Variants in TRIM64B observed in about 807,000 individuals in gnomAD.
TRIM64B encodes tripartite motif-containing protein 64B.
For synonymous variants in TRIM64B, 17 were observed against 190.3 expected, an observed-to-expected ratio of 0.09 and a Z score of 7.50; for missense variants, 57 against 536.4, an observed-to-expected ratio of 0.11 and a Z score of 8.83.
At chr11:89,876,964 G>C (rs1950169626), upstream of TRIM64B, among the ~76,000 whole-genome samples, 1 of 147,498 alleles carries the variant, frequency 6.8e-6, no homozygotes, top group South Asian at 2.2e-4. Context: ...GTAAAAGCTG[G>C]GATGATTTCT....
upstream of TRIM64B, chr11:89,876,099 C>A: frequency 8.0e-7 from 1 of 1,242,638 alleles, no homozygotes; most frequent in South Asian, 1.6e-5. Context: ...AAAGAAAGGC[C>A]GGTGGACAAT....
intron 2 of TRIM64B, 144 bp from the exon 4 acceptor site, chr11:89,874,423 C>T: frequency 2.1e-6 from 1 of 479,706 alleles, no homozygotes; most frequent in Non-Finnish European, 3.4e-6. Context: ...CTATCTTCTT[C>T]TGTCCATCTT....
upstream of TRIM64B, among the ~76,000 whole-genome samples, chr11:89,877,874 G>A (rs1950175318): frequency 6.7e-6 from 1 of 149,322 alleles, no homozygotes; most frequent in South Asian, 2.1e-4. Flanking sequence ...TGCCTGCCTT[G>A]GCCTCTCAAA....
chr11:89,873,032 G>A (rs557026905), intron 4 of TRIM64B, among the ~76,000 whole-genome samples: 1 of 151,980 alleles, frequency 6.6e-6, no homozygotes, highest in South Asian at 2.1e-4. Flanking sequence ...TGGTCAGGAC[G>A]GATGGACTGG....
upstream of TRIM64B, among the ~76,000 whole-genome samples, chr11:89,877,859 C>T (rs995749056): frequency 8.0e-5 from 12 of 149,474 alleles, no homozygotes; most frequent in East Asian, 1.2e-3. Flanking sequence ...AGACCTCAAG[C>T]GATCTGCCTG....
upstream of TRIM64B, among the ~76,000 whole-genome samples, chr11:89,878,184 T>C (rs1472381424): frequency 1.5e-5 from 2 of 129,976 alleles, no homozygotes; most frequent in Non-Finnish European, 3.2e-5. Context: ...AACAGTCGCA[T>C]AGTCAAATAG....
At chr11:89,877,440 G>T (rs1481968284), upstream of TRIM64B, among the ~76,000 whole-genome samples, 1 of 140,942 alleles carries the variant, frequency 7.1e-6, no homozygotes, top group Non-Finnish European at 1.6e-5. Flanking sequence ...AAAAAGTGAA[G>T]ATATGTATTA....
chr11:89,872,349 C>T (rs2134703189), intron 4 of TRIM64B, 37 bp from the exon 6 acceptor site: 2 of 1,497,350 alleles, frequency 1.3e-6, no homozygotes, highest in Non-Finnish European at 1.8e-6. Flanking sequence ...TTTCCAGGCC[C>T]AGAGCTAATC....
intron 1 of TRIM64B, among the ~76,000 whole-genome samples, 180 bp from the exon 3 acceptor site, chr11:89,875,253 C>A (rs1199241406): frequency 6.6e-6 from 1 of 152,226 alleles, no homozygotes; most frequent in African/African-American, 2.4e-5. Context: ...GTGATAGAAA[C>A]ATAATAGAGA....
exon 6 of TRIM64B, chr11:89,870,716 A>G (rs1218986209): frequency 6.4e-7 from 1 of 1,551,412 alleles, no homozygotes; most frequent in African/African-American, 1.4e-5. Flanking sequence ...ACATCAAAAA[A>G]ACTCACAGAT....
intron 5 of TRIM64B, among the ~76,000 whole-genome samples, 189 bp from the exon 7 acceptor site, chr11:89,871,303 C>G (rs1950105532): frequency 6.6e-6 from 1 of 152,216 alleles, no homozygotes; most frequent in South Asian, 2.1e-4. Context: ...ATGTATTATT[C>G]CTTAAGTAAT....
At chr11:89,872,722 G>T (rs367930794) in intron 4 of TRIM64B, among the ~76,000 whole-genome samples, 62 of 151,826 alleles carry the variant, frequency 4.1e-4, no homozygotes, top group South Asian at 8.3e-4. Context: ...GAGGCAAAAG[G>T]CTTTAATCTT....
upstream of TRIM64B, among the ~76,000 whole-genome samples, chr11:89,877,747 G>A (rs1245279047): frequency 1.3e-5 from 2 of 149,438 alleles, no homozygotes; most frequent in Non-Finnish European, 3.0e-5. Flanking sequence ...AGCCTCCTGA[G>A]TAGCTGGTAT....
At chr11:89,877,476 C>T (rs1950172345), upstream of TRIM64B, among the ~76,000 whole-genome samples, 1 of 146,068 alleles carries the variant, frequency 6.8e-6, no homozygotes, top group Admixed American at 6.9e-5. Flanking sequence ...ACTAGAAAAT[C>T]CAGAAATGCA....
At chr11:89,877,558 T>C (rs1950172795), upstream of TRIM64B, among the ~76,000 whole-genome samples, 1 of 148,400 alleles carries the variant, frequency 6.7e-6, no homozygotes, top group South Asian at 2.1e-4. Flanking sequence ...TGGGAGCCCT[T>C]GCCAGTTGGT....
upstream of TRIM64B, among the ~76,000 whole-genome samples, chr11:89,877,786 A>AT (rs1340721513): frequency 3.3e-5 from 5 of 149,354 alleles, no homozygotes; most frequent in East Asian, 2.0e-4. Flanking sequence ...CGCCAGGATG[A>AT]TTTTTTTGGA....
Position 89,874,298 on chromosome 11 carries a change from A to T in TRIM64B, c.505-19T>A. 1 of 1,337,038 alleles carries T rather than the reference A, an allele frequency of 7.5e-7. No homozygotes were observed. Among genetic ancestry groups the T allele is most frequent in the Non-Finnish European group, 1.0e-6 (1 of 981,116 alleles). 82.8% of individuals were successfully genotyped at this position (1,337,038 alleles called of 1,614,324 possible). A position where few individuals can be genotyped will look rare whatever the true frequency, so the allele number is the denominator to read the frequency against. On this transcript the variant is annotated intron_variant, in intron 2 of 5. Transcript: ENST00000329862. ...CATAGTCCTGCAGAGATGTTTGGTT[A>T]AAAGGATTACATGTTCTCACTCTCA...
chr11:89,873,678 C>A (rs1188972963), intron 3 of TRIM64B, among the ~76,000 whole-genome samples: 3 of 66,052 alleles, frequency 4.5e-5, no homozygotes, highest in Non-Finnish European at 8.7e-5. Flanking sequence ...AGGGGAAACC[C>A]CTCAATGTCT....
At chr11:89,871,352 T>C (rs1950105977) in intron 5 of TRIM64B, among the ~76,000 whole-genome samples, 1 of 152,228 alleles carries the variant, frequency 6.6e-6, no homozygotes, top group Non-Finnish European at 1.5e-5. Flanking sequence ...GAAATAATGA[T>C]TTAATGTCTA....
Sources: gnomAD v4.1 joint callset for allele counts (sites outside exome capture counted in the v4.1 genomes callset) on GRCh38, gnomAD v4.1.1 for gene constraint, MANE v1.5 for transcripts, NCBI Gene and HGNC (gene_info 2026-07-23, HGNC 2026-07-21) for gene names.